Variants in LPL observed in about 807,000 individuals in gnomAD.
LPL encodes lipoprotein lipase, also known as phospholipase A1.
Under a neutral mutation model 52.2 loss-of-function variants are expected in LPL, and 43 were observed. The ratio of observed to expected loss-of-function variants is 0.82; its 90% CI spans 0.64 to 1.06. LPL has a LOEUF of 1.06. LPL is among the 50% of genes least tolerant of loss of function. The pLI, the probability that LPL is intolerant of heterozygous loss-of-function variation, is 0.00. For synonymous variants in LPL, 244 were observed against 215.6 expected, an observed-to-expected ratio of 1.13 and a Z score of -1.15; for missense variants, 639 against 585.3, an observed-to-expected ratio of 1.09 and a Z score of -0.95.
rs9282781 is a variant in LPL, at chr8:19,955,193, AG to A, written c.776-647del. On this transcript the variant is annotated intron_variant, in intron 5 of 9. Transcript: ENST00000650287. The stretch of plus-strand genomic sequence containing the variant: ...TTTCTATGTTCATTTGATATAAAAG[AG>A]TGTTAGTAGGGGCAGAACCCTCAAT... Among the ~76,000 whole-genome samples the A allele has an allele frequency of 1.2e-4, 18 of 152,310 alleles. No individual in the cohort carries two copies. The East Asian group carries it at 2.5e-3, about 21-fold the overall frequency.
At chr8:19,943,107 GC>G (rs1216269536) in intron 1 of LPL, among the ~76,000 whole-genome samples, 1 of 152,210 alleles carries the variant, frequency 6.6e-6, no homozygotes, top group Non-Finnish European at 1.5e-5. Context: ...CTTGCTCACA[GC>G]ACTCAACCCA....
intron 2 of LPL, 182 bp downstream of exon 2, chr8:19,948,522 C>G: frequency 1.5e-6 from 1 of 661,958 alleles, no homozygotes; most frequent in South Asian, 2.0e-5. Context: ...GAGAACTCCC[C>G]CTAGGCAGTG....
intron 9 of LPL, among the ~76,000 whole-genome samples, chr8:19,962,631 G>A (rs1463152631): frequency 1.3e-5 from 2 of 152,122 alleles, no homozygotes; most frequent in Non-Finnish European, 2.9e-5. Context: ...TGTATTCAGG[G>A]AAGTAAAAAG....
In LPL at chr8:19,961,019, T is replaced by C; in HGVS notation, c.1258T>C (p.Trp420Arg). 1 of 1,614,184 alleles carries C rather than the reference T, an allele frequency of 6.2e-7. No homozygotes were observed. The highest frequency in any genetic ancestry group is 8.5e-7 in the Non-Finnish European group (1 of 1,180,028). Reference sequence around the variant, plus strand: ...TGATTCATACTTTAGCTGGTCAGACTGGTGGAGCAGTCCCGGCTTCGCCAT... The same window carrying C: ...TGATTCATACTTTAGCTGGTCAGACCGGTGGAGCAGTCCCGGCTTCGCCAT... The part of the protein sequence containing the change: ...KSDSYFSWSD[W>R]WSSPGFAIQK... The change falls in exon 8 of 10, where the codon TGG becomes CGG. Residue 420 changes from tryptophan (W) to arginine (R), a missense_variant. Transcript: ENST00000650287.
chr8:19,961,970 A>C, intron 8 of LPL, 145 bp from the exon 9 acceptor site: 1 of 667,942 alleles, frequency 1.5e-6, no homozygotes, highest in South Asian at 1.5e-5. Context: ...ATGTGGCCTG[A>C]GTGTGACAGT....
intron 2 of LPL, among the ~76,000 whole-genome samples, chr8:19,949,046 A>G (rs1313425168): frequency 6.6e-6 from 1 of 152,144 alleles, no homozygotes; most frequent in African/African-American, 2.4e-5. Flanking sequence ...TCCCCTCTCT[A>G]ATATGTCACA....
intron 6 of LPL, among the ~76,000 whole-genome samples, chr8:19,956,316 G>A (rs966767384): frequency 3.9e-5 from 6 of 152,130 alleles, no homozygotes; most frequent in African/African-American, 1.2e-4. Context: ...AGCCTTGCTC[G>A]CTGCCCTCCC....
chr8:19,951,657 A>G (rs931254464), intron 2 of LPL, 112 bp from the exon 3 acceptor site: 1 of 1,142,940 alleles, frequency 8.7e-7, no homozygotes, highest in Admixed American at 1.7e-5. Context: ...ATCTGTGCCA[A>G]TGGGTTTCCA....
Position 19,954,731 on chromosome 8 carries a change from T to C in LPL, c.775+378T>C, listed in dbSNP as rs998710438. 7.9e-5 allele frequency among the ~76,000 whole-genome samples: 12 copies of C among 152,350 alleles called. No individual in the cohort carries two copies. In the South Asian group the frequency reaches 1.2e-3, roughly 16 times the overall value. ...TTTTAGATGTTACTGGAACAGAAGA[T>C]GTTAATTAGGATAAATCTTCCAAAA... is the stretch of plus-strand genomic sequence containing the variant. On this transcript the variant is annotated intron_variant, in intron 5 of 9. Coordinates refer to ENST00000650287, the MANE Select transcript of LPL (RefSeq NM_000237.3).
chr8:19,959,922 G>T (rs926208202), intron 7 of LPL, among the ~76,000 whole-genome samples: 1 of 151,304 alleles, frequency 6.6e-6, no homozygotes, highest in Non-Finnish European at 1.5e-5. Flanking sequence ...CCGAGTAGCT[G>T]GGGCTGCAGG....
chr8:19,956,146 T>C, intron 6 of LPL, 63 bp downstream of exon 6: 1 of 1,603,262 alleles, frequency 6.2e-7, no homozygotes, highest in Non-Finnish European at 8.5e-7. Context: ...GCTCACTGCA[T>C]CACATGTACT....
intron 8 of LPL, 90 bp downstream of exon 8, chr8:19,961,173 G>C (rs1288414835): frequency 2.0e-5 from 23 of 1,156,352 alleles, no homozygotes; most frequent in Non-Finnish European, 2.9e-5. Flanking sequence ...CACAATTCAG[G>C]GAGAGCTTTA....
Position 19,966,294 on chromosome 8 carries a change from G to C in LPL, c.*984G>C, listed in dbSNP as rs2070088694. 6.6e-6 allele frequency: 1 copy of C among 152,096 alleles called. No homozygotes were observed. The highest frequency in any genetic ancestry group is 1.5e-5 in the Non-Finnish European group (1 of 68,018). 9.4% of individuals were successfully genotyped at this position (152,096 alleles called of 1,614,324 possible). A position where few individuals can be genotyped will look rare whatever the true frequency, so the allele number is the denominator to read the frequency against. The stretch of plus-strand genomic sequence containing the variant: ...TTCCTGGCTTTGACATGAAAAGATA[G>C]GTTTGAGTTCAAATTTTGCATTGTG... On this transcript the variant is annotated 3_prime_UTR_variant, in exon 10 of 10. Transcript: ENST00000650287.
At position 19,954,291 on chromosome 8, in the gene LPL, C is replaced by A. The variant is rs767509076; in HGVS notation, c.713C>A (p.Thr238Asn). ...GHVDIYPNGGTFQPGCNIGEA... is the reference protein window; with the variant it reads ...GHVDIYPNGGNFQPGCNIGEA... ...GTTGACATTTACCCGAATGGAGGTA[C>A]TTTTCAGCCAGGATGTAACATTGGA... Residue 238 changes from threonine to asparagine, a missense_variant, in exon 5 of 10, where the codon ACT (threonine) becomes AAT (asparagine). Physicochemically the swap from Thr to Asn is moderately conservative, Grantham distance 65. Transcript: ENST00000650287. The A allele has an allele frequency of 6.2e-7, 1 of 1,614,142 alleles. No homozygotes were observed. Among genetic ancestry groups the A allele is most frequent in the Non-Finnish European group, 8.5e-7 (1 of 1,180,028 alleles).
Position 19,948,161 on chromosome 8 carries a change from T to G in LPL, c.89-19T>G. 6.2e-7 allele frequency: 1 copy of G among 1,613,346 alleles called. No homozygotes were observed. The highest frequency in any genetic ancestry group is 8.5e-7 in the Non-Finnish European group (1 of 1,179,342). On this transcript the variant is annotated intron_variant, in intron 1 of 9. Transcript: ENST00000650287. ...AAGCAACCCTCCAGTTAACCTCATA[T>G]CCAATTTTTCCTTTCCAGAAAGAAG... is the stretch of plus-strand genomic sequence containing the variant.
chr8:19,946,303 AT>A (rs1344033267), intron 1 of LPL, among the ~76,000 whole-genome samples: 1 of 152,124 alleles, frequency 6.6e-6, no homozygotes, highest in Non-Finnish European at 1.5e-5. Flanking sequence ...TCATTAAGAA[AT>A]TTCTCCTACA....
intron 6 of LPL, among the ~76,000 whole-genome samples, chr8:19,958,590 A>G (rs1343587159): frequency 6.6e-6 from 1 of 152,156 alleles, no homozygotes; most frequent in Non-Finnish European, 1.5e-5. Flanking sequence ...ATTTATTTCC[A>G]TAGGTTATTG....
At position 19,962,101 on chromosome 8, in the gene LPL, A is replaced by C. The variant is rs1182128183; in HGVS notation, c.1323-14A>C. On this transcript the variant is annotated splice_polypyrimidine_tract_variant and intron_variant, in intron 8 of 9. Coordinates refer to ENST00000650287, the MANE Select transcript of LPL (RefSeq NM_000237.3). ...TGTTCTACATGGCATATTCACATCC[A>C]TTTTCTTCCACAGGGTGATCTTCTG... 6.3e-7 allele frequency: 1 copy of C among 1,578,894 alleles called. No homozygotes were observed. The highest frequency in any genetic ancestry group is 1.1e-5 in the South Asian group (1 of 90,344).
chr8:19,965,160 A>G, intron 9 of LPL, 150 bp from the exon 10 acceptor site: 1 of 652,392 alleles, frequency 1.5e-6, no homozygotes, highest in Non-Finnish European at 2.8e-6. Context: ...CTGATCCATT[A>G]TACACATCTC....
Sources: gnomAD v4.1 joint callset for allele counts (sites outside exome capture counted in the v4.1 genomes callset) on GRCh38, gnomAD v4.1.1 for gene constraint, MANE v1.5 for transcripts, NCBI Gene and HGNC (gene_info 2026-07-23, HGNC 2026-07-21) for gene names.